Variants in NR3C2 observed in about 807,000 individuals in gnomAD.
NR3C2 encodes the protein mineralocorticoid receptor.
A neutral mutation model predicts 86.4 loss-of-function variants in NR3C2; 15 were observed. The observed-to-expected ratio is 0.17, with a 90% confidence interval of 0.12 to 0.27. NR3C2 has a LOEUF of 0.27. NR3C2 is among the 10% of genes least tolerant of loss of function. NR3C2 has a pLI of 1.00. For missense variants in NR3C2, 960 were observed against 1,195.6 expected, an observed-to-expected ratio of 0.80 and a Z score of 2.91; for synonymous variants, 458 against 450.5, an observed-to-expected ratio of 1.02 and a Z score of -0.21.
At chr4:148,117,077 T>C (rs935784827) in intron 7 of NR3C2, among the ~76,000 whole-genome samples, 5 of 152,050 alleles carry the variant, frequency 3.3e-5, no homozygotes, top group Admixed American at 2.0e-4. Context: ...AACAGAAACC[T>C]TGGTGAAGAG....
intron 2 of NR3C2, among the ~76,000 whole-genome samples, chr4:148,352,972 C>G (rs1174749860): frequency 6.6e-6 from 1 of 151,940 alleles, no homozygotes; most frequent in African/African-American, 2.4e-5. Flanking sequence ...AATGAGAACA[C>G]CAGAAGTGAC....
chr4:148,276,476 A>C (rs546924973), intron 2 of NR3C2, among the ~76,000 whole-genome samples: 60 of 152,316 alleles, frequency 3.9e-4, no homozygotes, highest in Non-Finnish European at 6.6e-4. Context: ...AGGAAGTTAA[A>C]AGACTTAGTA....
chr4:148,312,890 A>G (rs1742972898), intron 2 of NR3C2, among the ~76,000 whole-genome samples: 1 of 152,198 alleles, frequency 6.6e-6, no homozygotes, highest in Non-Finnish European at 1.5e-5. Flanking sequence ...CAGTAGCCCA[A>G]TTAAATATTA....
chr4:148,080,815 T>C lies in NR3C2; in HGVS notation c.*529A>G, dbSNP rs910116974. ...GGACGAGCGAGGGCTCAGAGGCAGC[T>C]GCTGCCCCACGCCACGAGTTCTGTT... On this transcript the variant is annotated 3_prime_UTR_variant, in exon 9 of 9. Coordinates refer to ENST00000358102, the MANE Select transcript of NR3C2 (RefSeq NM_000901.5). 5.4e-5 allele frequency: 23 copies of C among 428,738 alleles called. No homozygotes were observed. In the Admixed American group the frequency reaches 5.5e-4, roughly 10 times the overall value. 26.6% of individuals were successfully genotyped at this position (428,738 alleles called of 1,614,324 possible). A position where few individuals can be genotyped will look rare whatever the true frequency, so the allele number is the denominator to read the frequency against.
chr4:148,383,682 G>C (rs1319393421), intron 2 of NR3C2, among the ~76,000 whole-genome samples: 1 of 152,304 alleles, frequency 6.6e-6, no homozygotes, highest in Admixed American at 6.5e-5. Context: ...GACGGGCGCA[G>C]TGGCTCACAC....
intron 2 of NR3C2, among the ~76,000 whole-genome samples, chr4:148,311,279 C>T (rs562029177): frequency 5.0e-4 from 76 of 152,292 alleles, no homozygotes; most frequent in African/African-American, 1.8e-3. Flanking sequence ...ATTCTGAAAT[C>T]CAACTGTCTA....
intron 8 of NR3C2, among the ~76,000 whole-genome samples, chr4:148,111,121 T>C (rs1419019887): frequency 6.6e-6 from 1 of 152,090 alleles, no homozygotes; most frequent in African/African-American, 2.4e-5. Context: ...TAAAGAACCC[T>C]CAAAACTCAG....
chr4:148,102,236 G>A (rs1357442803), intron 8 of NR3C2, among the ~76,000 whole-genome samples: 1 of 152,072 alleles, frequency 6.6e-6, no homozygotes, highest in Non-Finnish European at 1.5e-5. Context: ...TCCGTTCTGT[G>A]CCCTCTTCTT....
intron 4 of NR3C2, among the ~76,000 whole-genome samples, chr4:148,167,145 C>T (rs1734915935): frequency 6.6e-6 from 1 of 152,184 alleles, no homozygotes; most frequent in African/African-American, 2.4e-5. Flanking sequence ...GATGGATCTT[C>T]AACAAATGAT....
intron 2 of NR3C2, among the ~76,000 whole-genome samples, chr4:148,352,776 T>G (rs540825704): frequency 1.3e-5 from 2 of 152,158 alleles, no homozygotes; most frequent in Non-Finnish European, 2.9e-5. Flanking sequence ...ACCATCAGGT[T>G]CTTTTTGTTT....
chr4:148,176,512 T>C lies in NR3C2; in HGVS notation c.2014+18234A>G, dbSNP rs192634841. 2.6e-5 allele frequency among the ~76,000 whole-genome samples: 4 copies of C among 152,314 alleles called. No homozygotes were observed. In the East Asian group the frequency reaches 7.7e-4, roughly 29 times the overall value. On this transcript the variant is annotated intron_variant, in intron 4 of 8. Coordinates refer to ENST00000358102, the MANE Select transcript of NR3C2 (RefSeq NM_000901.5). ...ACAGTCACATGAAGCCATCCTGAGA[T>C]GCCTCTACCTTTTCCCAGTAGATAG... is the stretch of plus-strand genomic sequence containing the variant.
chr4:148,305,477 C>G (rs1742567045), intron 2 of NR3C2, among the ~76,000 whole-genome samples: 1 of 148,880 alleles, frequency 6.7e-6, no homozygotes, highest in Admixed American at 6.8e-5. Context: ...GCAAAGGGCA[C>G]AGCACTGTGT....
At chr4:148,234,343 A>G (rs949267413) in intron 3 of NR3C2, among the ~76,000 whole-genome samples, 11 of 152,086 alleles carry the variant, frequency 7.2e-5, no homozygotes. Flanking sequence ...CAACATTTCA[A>G]TGGGTCTCCA....
At chr4:148,107,142 A>C (rs1291584418) in intron 8 of NR3C2, among the ~76,000 whole-genome samples, 1 of 152,220 alleles carries the variant, frequency 6.6e-6, no homozygotes, top group African/African-American at 2.4e-5. Flanking sequence ...AGAATCTACA[A>C]GGAACTTAAA....
intron 2 of NR3C2, among the ~76,000 whole-genome samples, chr4:148,323,067 T>C (rs1743713084): frequency 6.7e-6 from 1 of 148,332 alleles, no homozygotes; most frequent in African/African-American, 2.5e-5. Flanking sequence ...GGTGTGGATG[T>C]CCTTTCTGTT....
chr4:148,274,899 T>C (rs1297434247), intron 2 of NR3C2, among the ~76,000 whole-genome samples: 1 of 152,054 alleles, frequency 6.6e-6, no homozygotes, highest in African/African-American at 2.4e-5. Flanking sequence ...GGTTTTACCA[T>C]GTTAGCTAGG....
chr4:148,275,434 CTTTTTTTTTTT>C, intron 2 of NR3C2, among the ~76,000 whole-genome samples: 1 of 144,916 alleles, frequency 6.9e-6, no homozygotes, highest in South Asian at 2.2e-4. Context: ...CTTATCTTAT[CTTTTTTTTTTT>C]TTGAGACAGA....
At chr4:148,298,583 T>G (rs1422934370) in intron 2 of NR3C2, among the ~76,000 whole-genome samples, 1 of 152,326 alleles carries the variant, frequency 6.6e-6, no homozygotes, top group Non-Finnish European at 1.5e-5. Flanking sequence ...AACTGAAATA[T>G]GACAAAATGA....
chr4:148,224,064 A>T (rs2149830831), intron 3 of NR3C2, among the ~76,000 whole-genome samples: 1 of 152,206 alleles, frequency 6.6e-6, no homozygotes, highest in South Asian at 2.1e-4. Flanking sequence ...TGAAAAAGGG[A>T]AAAGACCAGA....
Sources: gnomAD v4.1 joint callset for allele counts (sites outside exome capture counted in the v4.1 genomes callset) on GRCh38, gnomAD v4.1.1 for gene constraint, MANE v1.5 for transcripts, NCBI Gene and HGNC (gene_info 2026-07-23, HGNC 2026-07-21) for gene names.